The following PBRM1 variants were observed in gnomAD, a reference collection of about 807,000 sequenced individuals.
PBRM1 encodes polybromo 1, also known as protein polybromo-1.
Under a neutral mutation model 194.5 loss-of-function variants are expected in PBRM1, and 27 were observed. The ratio of observed to expected loss-of-function variants is 0.14; its 90% CI spans 0.10 to 0.19. The LOEUF is 0.19. Ranked by LOEUF, PBRM1 falls within the 10% of genes least tolerant of loss-of-function variation. The pLI is 1.00. For synonymous variants in PBRM1, 655 were observed against 693.2 expected (o/e 0.94, Z 0.87); for missense variants, 1,466 against 2,077.2 (o/e 0.71, Z 5.72).
intron 12 of PBRM1, among the ~76,000 whole-genome samples, chr3:52,627,932 G>A (rs1219292825): frequency 6.6e-6 from 1 of 152,150 alleles, no homozygotes; most frequent in Non-Finnish European, 1.5e-5. Context: ...ATAAAATGAA[G>A]ATTCTATGGG....
chr3:52,665,674 G>A (rs2096820004), intron 3 of PBRM1, among the ~76,000 whole-genome samples: 1 of 152,170 alleles, frequency 6.6e-6, no homozygotes, highest in Admixed American at 6.5e-5. Context: ...GATCTAGGCT[G>A]TGAGCTCCTT....
intron 2 of PBRM1, among the ~76,000 whole-genome samples, chr3:52,677,471 G>A (rs985234372): frequency 3.5e-5 from 5 of 143,572 alleles, no homozygotes; most frequent in Admixed American, 1.4e-4. Flanking sequence ...GGAGTGCAAC[G>A]GTACGATCTC....
intron 20 of PBRM1, 60 bp downstream of exon 22, chr3:52,586,365 T>C (rs1576188219): frequency 2.2e-6 from 3 of 1,387,750 alleles, no homozygotes; most frequent in Non-Finnish European, 3.0e-6. Context: ...TATTCATTTA[T>C]TTTCTGGAAT....
intron 13 of PBRM1, among the ~76,000 whole-genome samples, chr3:52,626,164 G>C (rs1487952782): frequency 6.6e-6 from 1 of 152,252 alleles, no homozygotes; most frequent in Admixed American, 6.5e-5. Flanking sequence ...TCTTGTTCTT[G>C]ATTTGATGTC....
rs73078831 is a variant in PBRM1, at chr3:52,663,581, T to G, written c.385-1305A>C. 1.5e-3 allele frequency among the ~76,000 whole-genome samples: 224 copies of G among 152,240 alleles called. 1 individual carries two copies. Among genetic ancestry groups the G allele is most frequent in the Non-Finnish European group, 1.7e-3 (117 of 68,004 alleles). On this transcript the variant is annotated intron_variant, in intron 3 of 29. Transcript: ENST00000296302. ...GCTCCAATGATCTCTACAGATAAAG[T>G]TCCAAGAAATATTGAGTCCATAGTA...
At chr3:52,620,416 T>C (rs1406820813) in intron 13 of PBRM1, among the ~76,000 whole-genome samples, 1 of 152,140 alleles carries the variant, frequency 6.6e-6, no homozygotes, top group Non-Finnish European at 1.5e-5. Context: ...TCTAGCAATT[T>C]CAAGAAGCTT....
chr3:52,661,293 G>A (rs1577909728), intron 4 of PBRM1, among the ~76,000 whole-genome samples: 1 of 152,254 alleles, frequency 6.6e-6, no homozygotes, highest in South Asian at 2.1e-4. Flanking sequence ...CCAAAGTGCT[G>A]GGATTACAGG....
chr3:52,593,527 G>A (rs776121134), intron 17 of PBRM1, among the ~76,000 whole-genome samples: 4 of 152,070 alleles, frequency 2.6e-5, no homozygotes, highest in African/African-American at 9.7e-5. Context: ...ATGAGCCACC[G>A]TGCCTGGCCA....
At chr3:52,626,872 C>A (rs975098328) in intron 13 of PBRM1, among the ~76,000 whole-genome samples, 2 of 152,106 alleles carry the variant, frequency 1.3e-5, no homozygotes. Flanking sequence ...GGACCAATGG[C>A]ATACCTCACT....
At chr3:52,667,878 A>T (rs538461683) in intron 3 of PBRM1, among the ~76,000 whole-genome samples, 1 of 151,752 alleles carries the variant, frequency 6.6e-6, no homozygotes, top group South Asian at 2.1e-4. Flanking sequence ...TGAGTAACAT[A>T]GGGAGACTCT....
intron 10 of PBRM1, among the ~76,000 whole-genome samples, chr3:52,639,307 T>A (rs1009254614): frequency 1.3e-5 from 2 of 152,174 alleles, no homozygotes; most frequent in African/African-American, 4.8e-5. Context: ...AAACTCTGTA[T>A]GCTCTCCTCC....
At chr3:52,629,070 T>C in intron 11 of PBRM1, 35 bp from the exon 13 acceptor site, 1 of 1,526,962 alleles carries the variant, frequency 6.5e-7, no homozygotes, top group Non-Finnish European at 8.9e-7. Context: ...GAATTTTCTG[T>C]CATGAAAATT....
At chr3:52,564,075 C>T (rs376747486) in exon 23 of PBRM1, 7 of 1,609,226 alleles carry the variant, frequency 4.3e-6, no homozygotes, top group Non-Finnish European at 5.9e-6. Context: ...TCATCATCTA[C>T]CACTTTAGCA....
intron 10 of PBRM1, among the ~76,000 whole-genome samples, chr3:52,641,365 T>C (rs770462155): frequency 2.7e-5 from 4 of 145,608 alleles, no homozygotes; most frequent in Non-Finnish European, 4.5e-5. Context: ...GAGAATCACT[T>C]GAACCCGGCA....
At chr3:52,624,285 T>C (rs532798805) in intron 13 of PBRM1, among the ~76,000 whole-genome samples, 1 of 152,222 alleles carries the variant, frequency 6.6e-6, no homozygotes, top group Non-Finnish European at 1.5e-5. Context: ...GAGCAGAGTT[T>C]AGTGTTCTAT....
chr3:52,676,150 A>AAAAAAAAAG (rs2097098876), intron 2 of PBRM1, among the ~76,000 whole-genome samples: 1 of 41,548 alleles, frequency 2.4e-5, no homozygotes, highest in African/African-American at 4.9e-5. Flanking sequence ...AAAAAAAAAA[A>AAAAAAAAAG]AATAATGAAT....
At chr3:52,548,221 C>T (rs779331178) in exon 30 of PBRM1, 66 of 1,574,174 alleles carry the variant, frequency 4.2e-5, no homozygotes, top group South Asian at 4.8e-5. Flanking sequence ...GACAAATGGA[C>T]GTCGCGTCTT....
chr3:52,645,427 T>C (rs2096262953), intron 7 of PBRM1, among the ~76,000 whole-genome samples: 2 of 151,850 alleles, frequency 1.3e-5, no homozygotes, highest in Admixed American at 1.3e-4. Context: ...CCTCTCAAAG[T>C]GCTGGGATTA....
chr3:52,583,372 C>T (rs577033739), intron 20 of PBRM1, among the ~76,000 whole-genome samples: 67 of 151,708 alleles, frequency 4.4e-4, no homozygotes, highest in African/African-American at 1.5e-3. Context: ...GATCACGCTA[C>T]CGCACTTCAG....
Sources: allele counts gnomAD v4.1 joint callset (sites outside exome capture counted in the v4.1 genomes callset), GRCh38; gene constraint gnomAD v4.1.1; transcripts MANE v1.5; gene names NCBI Gene and HGNC (gene_info 2026-07-23, HGNC 2026-07-21).